RERE: variants seen among roughly 807,000 people sequenced by gnomAD.
The protein encoded by RERE is arginine-glutamic acid dipeptide repeats protein.
Under a neutral mutation model 146.1 loss-of-function variants are expected in RERE, and 40 were observed. The ratio of observed to expected loss-of-function variants is 0.27; its 90% CI spans 0.21 to 0.36. RERE has a LOEUF of 0.36. Ranked by LOEUF, RERE falls within the 10% of genes least tolerant of loss-of-function variation. RERE has a pLI of 1.00. For missense variants in RERE, 1,933 were observed against 2,138.7 expected (o/e 0.90, Z 1.90); for synonymous variants, 1,003 against 866.0 (o/e 1.16, Z -2.78).
intron 7 of RERE, 65 bp downstream of exon 7, chr1:8,541,149 A>G: frequency 3.7e-6 from 3 of 801,628 alleles, no homozygotes; most frequent in Admixed American, 2.2e-5. Flanking sequence ...ACACACACAT[A>G]CACACACACA....
chr1:8,503,090 AT>A (rs577866525), intron 8 of RERE, among the ~76,000 whole-genome samples: 2,857 of 94,820 alleles, frequency 0.03, 83 homozygotes, highest in African/African-American at 0.11. Context: ...TCAATTAAAA[AT>A]AAATAAATAA....
chr1:8,760,191 A>G lies in RERE; in HGVS notation c.-145+56969T>C, dbSNP rs186602484. On this transcript the variant is annotated intron_variant, in intron 1 of 22. Transcript: ENST00000400908. ...CAGGTGCCCGCCACCGCGCCCAGCT[A>G]ATTTTTTGTATTTTCAGTAGAGACG... Among the ~76,000 whole-genome samples, 564 of 152,116 alleles carry G rather than the reference A, an allele frequency of 3.7e-3. 2 individuals carry two copies. Among genetic ancestry groups the G allele is most frequent in the Non-Finnish European group, 7.0e-3 (479 of 67,986 alleles).
At chr1:8,453,730 C>T (rs918602639) in intron 11 of RERE, among the ~76,000 whole-genome samples, 9 of 152,020 alleles carry the variant, frequency 5.9e-5, no homozygotes, top group Admixed American at 5.9e-4. Flanking sequence ...CACTTGAACC[C>T]GGGAGGCAGA....
At chr1:8,569,233 C>T (rs911709096) in intron 4 of RERE, among the ~76,000 whole-genome samples, 1 of 141,440 alleles carries the variant, frequency 7.1e-6, no homozygotes, top group African/African-American at 2.7e-5. Context: ...AAGCTTTAAA[C>T]AGTCCATTAA....
At chr1:8,475,373 TAA>T (rs70990569) in intron 10 of RERE, among the ~76,000 whole-genome samples, 302 of 136,950 alleles carry the variant, frequency 2.2e-3, no homozygotes, top group Middle Eastern at 4.2e-3. Context: ...GATTCTGTCT[TAA>T]AAAAAAAAAA....
intron 8 of RERE, among the ~76,000 whole-genome samples, chr1:8,502,211 G>T (rs1250886971): frequency 1.2e-3 from 115 of 96,588 alleles, no homozygotes; most frequent in Admixed American, 1.6e-3. Context: ...GAGGGAGGTG[G>T]GGGGATCAGC....
At chr1:8,686,141 C>T (rs1401930964) in intron 1 of RERE, among the ~76,000 whole-genome samples, 1 of 146,880 alleles carries the variant, frequency 6.8e-6, no homozygotes, top group East Asian at 1.9e-4. Context: ...ATCACCATGC[C>T]TGGCTAATTT....
chr1:8,501,524 G>A (rs555604060), intron 8 of RERE, among the ~76,000 whole-genome samples: 1 of 107,816 alleles, frequency 9.3e-6, no homozygotes, highest in Non-Finnish European at 1.8e-5. Context: ...TCAGCCCCCC[G>A]TCCGGGAGGT....
intron 10 of RERE, among the ~76,000 whole-genome samples, chr1:8,485,765 T>A (rs1392630426): frequency 2.0e-5 from 3 of 146,872 alleles, no homozygotes; most frequent in Non-Finnish European, 3.0e-5. Context: ...ATTAACAGAA[T>A]CAAAAGGAGA....
chr1:8,437,434 G>GT lies in RERE; in HGVS notation c.1204-14628dup, dbSNP rs928221465. On this transcript the variant is annotated intron_variant, in intron 11 of 22. Transcript: ENST00000400908. ...GATCCCTGTCTAACAGGTGATCATT[G>GT]TTTTTTTTTTCTATTACAGGCACTC... Among the ~76,000 whole-genome samples the GT allele has an allele frequency of 4.3e-3, 642 of 148,904 alleles. 3 individuals are homozygous for GT. Among genetic ancestry groups the GT allele is most frequent in the Non-Finnish European group, 6.1e-3 (408 of 67,156 alleles).
rs775985005 is a variant in RERE, at chr1:8,358,203, G to C, written c.4332C>G (p.Leu1444=). The C allele has an allele frequency of 6.3e-7, 1 of 1,591,738 alleles. No individual in the cohort carries two copies. Among genetic ancestry groups the C allele is most frequent in the Non-Finnish European group, 8.6e-7 (1 of 1,162,618 alleles). Residue 1444 remains leucine, a synonymous_variant, in exon 20 of 23, where the codon CTC becomes CTG. Coordinates refer to ENST00000400908, the MANE Select transcript of RERE (RefSeq NM_001042681.2). The part of the protein sequence containing the change: ...SHLHLHQQDP[L]HQGSAGPVHP... Reference sequence around the variant, plus strand: ...CCACGCTGGGGCACGCACCTTGGTGGAGGGGGTCCTGCTGGTGGAGGTGGA... The same window carrying C: ...CCACGCTGGGGCACGCACCTTGGTGCAGGGGGTCCTGCTGGTGGAGGTGGA...
At chr1:8,620,752 C>T (rs1467695376) in intron 3 of RERE, among the ~76,000 whole-genome samples, 1 of 151,750 alleles carries the variant, frequency 6.6e-6, no homozygotes, top group Non-Finnish European at 1.5e-5. Flanking sequence ...CTTCTAAGTA[C>T]GTGCTGTCCC....
At chr1:8,359,623 C>A in intron 19 of RERE, 141 bp downstream of exon 19, 1 of 917,084 alleles carries the variant, frequency 1.1e-6, no homozygotes. Flanking sequence ...GGTGTGGAGA[C>A]AGGGTGTAAA....
chr1:8,399,526 T>C (rs921835113), intron 12 of RERE, among the ~76,000 whole-genome samples: 45 of 152,176 alleles, frequency 3.0e-4, no homozygotes, highest in African/African-American at 1.0e-3. Flanking sequence ...AGGTCTTAAT[T>C]ACTCTAACTT....
intron 1 of RERE, among the ~76,000 whole-genome samples, chr1:8,723,331 A>T (rs1639898806): frequency 6.6e-6 from 1 of 152,264 alleles, no homozygotes; most frequent in Non-Finnish European, 1.5e-5. Context: ...CTGTGGTTCA[A>T]TATAAAGTAT....
intron 10 of RERE, among the ~76,000 whole-genome samples, chr1:8,493,903 G>T (rs540138371): frequency 6.6e-6 from 1 of 152,198 alleles, no homozygotes; most frequent in South Asian, 2.1e-4. Flanking sequence ...CATTAGTAAT[G>T]ATAGAGAGGA....
At chr1:8,496,160 A>AAAAAAAAAAAAAG (rs1645042725) in intron 9 of RERE, among the ~76,000 whole-genome samples, 1 of 151,656 alleles carries the variant, frequency 6.6e-6, no homozygotes, top group African/African-American at 2.4e-5. Context: ...TAAAAAAAAA[A>AAAAAAAAAAAAAG]AAAAAAAAAG....
intron 1 of RERE, among the ~76,000 whole-genome samples, chr1:8,712,919 C>G (rs1639696854): frequency 6.6e-6 from 1 of 152,126 alleles, no homozygotes; most frequent in Non-Finnish European, 1.5e-5. Context: ...TTTTAACAGC[C>G]TAAGGCGTCA....
chr1:8,485,667 A>C (rs1406856687), intron 10 of RERE, among the ~76,000 whole-genome samples: 1 of 152,174 alleles, frequency 6.6e-6, no homozygotes, highest in Non-Finnish European at 1.5e-5. Context: ...TTACAGCAGA[A>C]AGGTAAAAGG....
Sources: gnomAD v4.1 joint callset for allele counts (sites outside exome capture counted in the v4.1 genomes callset) on GRCh38, gnomAD v4.1.1 for gene constraint, MANE v1.5 for transcripts, NCBI Gene and HGNC (gene_info 2026-07-23, HGNC 2026-07-21) for gene names.